Variants in LRTM1 observed in about 807,000 individuals in gnomAD.
LRTM1 encodes leucine-rich repeat and transmembrane domain-containing protein 1.
LRTM1 carries 38 observed loss-of-function variants against 32.4 expected under a neutral mutation model. That is an observed-to-expected ratio of 1.17 (90% CI 0.91 to 1.54). LRTM1 has a LOEUF of 1.54. LRTM1 is among the 40% of genes most tolerant of loss of function. LRTM1 has a pLI of 0.00. For missense variants in LRTM1, 466 were observed against 415.4 expected (o/e 1.12, Z -1.06); for synonymous variants, 186 against 169.9 (o/e 1.09, Z -0.74).
chr3:54,933,051 C>CCCTCCCTCCCTCCCTT (rs1366811478), upstream of LRTM1, among the ~76,000 whole-genome samples: 5 of 139,444 alleles, frequency 3.6e-5, no homozygotes, highest in African/African-American at 1.4e-4. Flanking sequence ...ATCCATCCCT[C>CCCTCCCTCCCTCCCTT]CCTTCCTTCC....
rs535208353 is a variant in LRTM1 at position 54,918,495 on chromosome 3, C to T, written c.1002G>A (p.Val334=). Residue 334 remains valine, a synonymous_variant, in exon 3 of 3, where the codon GTG becomes GTA. Transcript: ENST00000273286. ...AGCTGTCAAATCGCTCTTTTTCTTC[C>T]ACCTTCCCAGGATCATTGGTTTGAG... The part of the protein sequence containing the change: ...PLAQTNDPGK[V]EEKERFDSSP... 1,107 of 1,613,806 alleles carry T rather than the reference C, an allele frequency of 6.9e-4. 4 individuals are homozygous for T. Among genetic ancestry groups the T allele is most frequent in the South Asian group, 5.0e-3 (456 of 91,058 alleles).
Position 54,940,700 on chromosome 3 carries a change from A to C in LRTM1, c.-221-15485T>G, listed in dbSNP as rs535977757. ...AAGCAAACAATAAGGCTGTTGTATG[A>C]AAAGTCTTTGTACTCTGGACGTTCC... On this transcript the variant is annotated intron_variant, in intron 1 of 2. Coordinates refer to the LRTM1 transcript ENST00000493075. 6.6e-5 allele frequency among the ~76,000 whole-genome samples: 10 copies of C among 152,334 alleles called. No individual in the cohort carries two copies. The South Asian group carries it at 1.7e-3, about 25-fold the overall frequency.
At chr3:54,943,296 C>G (rs1340670950) in intron 1 of LRTM1, among the ~76,000 whole-genome samples, 1 of 152,006 alleles carries the variant, frequency 6.6e-6, no homozygotes, top group Non-Finnish European at 1.5e-5. Flanking sequence ...TTCTCACTTC[C>G]TAGAGGCCAC....
intron 2 of LRTM1, among the ~76,000 whole-genome samples, chr3:54,919,701 G>A (rs759019690): frequency 6.6e-6 from 1 of 152,112 alleles, no homozygotes; most frequent in Non-Finnish European, 1.5e-5. Context: ...TTTGACTTTG[G>A]GAAAATGTGC....
chr3:54,954,489 C>A (rs1274258644), intron 1 of LRTM1, among the ~76,000 whole-genome samples: 1 of 152,228 alleles, frequency 6.6e-6, no homozygotes, highest in East Asian at 1.9e-4. Context: ...AGGCAGATGC[C>A]TGCCCAGACA....
chr3:54,946,799 G>A (rs752225380), intron 1 of LRTM1, among the ~76,000 whole-genome samples: 25 of 149,676 alleles, frequency 1.7e-4, no homozygotes, highest in Non-Finnish European at 3.0e-4. Context: ...TACAACTTTG[G>A]AAGTAGATGT....
intron 1 of LRTM1, among the ~76,000 whole-genome samples, chr3:54,956,045 C>A (rs1333572831): frequency 6.6e-6 from 1 of 152,188 alleles, no homozygotes; most frequent in African/African-American, 2.4e-5. Flanking sequence ...TGCCGTCCGC[C>A]CCTCCTTAAT....
chr3:54,920,665 A>C (rs574819822), intron 2 of LRTM1, among the ~76,000 whole-genome samples: 1 of 152,298 alleles, frequency 6.6e-6, no homozygotes. Context: ...GTTGCAAGAC[A>C]AAAAGGTCAG....
Position 54,918,241 on chromosome 3 carries a change from A to C in LRTM1, c.*218T>G, listed in dbSNP as rs2106921533. On this transcript the variant is annotated 3_prime_UTR_variant, in exon 3 of 3. Coordinates refer to ENST00000273286, the MANE Select transcript of LRTM1 (RefSeq NM_020678.4). The stretch of plus-strand genomic sequence containing the variant: ...AATAACTTCCCAGGCCCAGAGCACA[A>C]GTATCATCTTTATTTTACCTATAGT... The C allele has an allele frequency of 1.9e-6, 1 of 524,758 alleles. No homozygotes were observed. Among genetic ancestry groups the C allele is most frequent in the East Asian group, 3.2e-5 (1 of 31,144 alleles). 32.5% of individuals were successfully genotyped at this position (524,758 alleles called of 1,614,324 possible).
intron 1 of LRTM1, among the ~76,000 whole-genome samples, chr3:54,940,481 C>T (rs1413325106): frequency 6.6e-6 from 1 of 152,180 alleles, no homozygotes; most frequent in African/African-American, 2.4e-5. Context: ...ACACAGACAG[C>T]TCACAGAGCT....
At chr3:54,920,118 TAGTACACAC>T (rs1280179973) in intron 2 of LRTM1, among the ~76,000 whole-genome samples, 1 of 152,198 alleles carries the variant, frequency 6.6e-6, no homozygotes, top group Non-Finnish European at 1.5e-5. Flanking sequence ...AGGAGATTCT[TAGTACACAC>T]AGTAAGTGAA....
intron 1 of LRTM1, among the ~76,000 whole-genome samples, chr3:54,959,965 C>A (rs925487271): frequency 2.0e-5 from 3 of 151,262 alleles, no homozygotes; most frequent in Non-Finnish European, 4.4e-5. Context: ...CCTGCTAATT[C>A]TTTTCAACAT....
upstream of LRTM1, among the ~76,000 whole-genome samples, chr3:54,928,856 A>G (rs1001636382): frequency 1.3e-5 from 2 of 152,154 alleles, no homozygotes; most frequent in African/African-American, 4.8e-5. Flanking sequence ...CCCTGTGAGC[A>G]TCAGGCGTCA....
intron 1 of LRTM1, among the ~76,000 whole-genome samples, chr3:54,944,814 G>GTGTGT (rs1553925008): frequency 1.4e-4 from 16 of 111,410 alleles, no homozygotes; most frequent in African/African-American, 6.5e-4. Context: ...TAGAGCTGGG[G>GTGTGT]GTGTGTGTGT....
chr3:54,928,098 TTCCCCTTGTCTCCATCTGGC>T, upstream of LRTM1: 5 of 593,136 alleles, frequency 8.4e-6, no homozygotes, highest in Non-Finnish European at 1.2e-5. Flanking sequence ...TAAGCAGCCC[TTCCCCTTGTCTCCATCTGGC>T]TGGGATCAGT....
At chr3:54,957,924 C>G (rs1259320374) in intron 1 of LRTM1, among the ~76,000 whole-genome samples, 6 of 152,198 alleles carry the variant, frequency 3.9e-5, no homozygotes, top group Non-Finnish European at 2.9e-5. Context: ...TTTCATTGCT[C>G]TCTGTTGCTC....
intron 1 of LRTM1, among the ~76,000 whole-genome samples, chr3:54,951,019 C>G (rs1355027510): frequency 1.3e-5 from 2 of 152,130 alleles, no homozygotes; most frequent in Non-Finnish European, 2.9e-5. Context: ...TGTAATATTC[C>G]CTTTACTATC....
chr3:54,928,121 G>C, upstream of LRTM1: 1 of 559,092 alleles, frequency 1.8e-6, no homozygotes, highest in East Asian at 2.9e-5. Context: ...CATCTGGCTG[G>C]GATCAGTTTC....
chr3:54,958,032 A>G (rs911732736), intron 1 of LRTM1, among the ~76,000 whole-genome samples: 5 of 152,318 alleles, frequency 3.3e-5, no homozygotes, highest in African/African-American at 7.2e-5. Flanking sequence ...ATTGCATTCA[A>G]CCACCCCGTG....
Sources: allele counts gnomAD v4.1 joint callset (sites outside exome capture counted in the v4.1 genomes callset), GRCh38; gene constraint gnomAD v4.1.1; transcripts MANE v1.5; gene names NCBI Gene and HGNC (gene_info 2026-07-23, HGNC 2026-07-21).